Variants in DYNC1I1 observed in about 807,000 individuals in gnomAD.
DYNC1I1 encodes cytoplasmic dynein 1 intermediate chain 1.
DYNC1I1 carries 43 observed loss-of-function variants against 86.6 expected under a neutral mutation model. The observed-to-expected ratio is 0.50, with a 90% confidence interval of 0.39 to 0.64. The LOEUF (loss-of-function observed/expected upper bound fraction) is 0.64. Among genes scored for constraint, DYNC1I1 ranks in the 30% least tolerant of loss-of-function variants. The pLI, the probability that DYNC1I1 is intolerant of heterozygous loss-of-function variation, is 0.00. For missense variants in DYNC1I1, 604 were observed against 788.8 expected (o/e 0.77, Z 2.81); for synonymous variants, 262 against 283.7 (o/e 0.92, Z 0.77).
chr7:95,995,249 A>AAACTAAATAAAT (rs1793834350), intron 9 of DYNC1I1, among the ~76,000 whole-genome samples: 1 of 143,058 alleles, frequency 7.0e-6, no homozygotes, highest in Non-Finnish European at 1.5e-5. Flanking sequence ...TCCATCTCAA[A>AAACTAAATAAAT]AAATAAATAA....
intron 14 of DYNC1I1, among the ~76,000 whole-genome samples, chr7:96,048,094 T>A (rs143201827): frequency 1.2e-3 from 183 of 152,136 alleles, no homozygotes; most frequent in African/African-American, 4.1e-3. Context: ...TGATGGGAAC[T>A]GGGATGTGGT....
intron 9 of DYNC1I1, among the ~76,000 whole-genome samples, chr7:95,987,890 A>G (rs572287886): frequency 6.6e-6 from 1 of 152,214 alleles, no homozygotes; most frequent in African/African-American, 2.4e-5. Flanking sequence ...CCTAAAGCAG[A>G]ACTTTCATCA....
intron 10 of DYNC1I1, among the ~76,000 whole-genome samples, chr7:96,006,829 CTA>C (rs1390144407): frequency 6.6e-6 from 1 of 152,194 alleles, no homozygotes; most frequent in African/African-American, 2.4e-5. Context: ...AACACCAATG[CTA>C]TGTTATAACT....
chr7:96,006,923 A>C (rs1228635595), intron 10 of DYNC1I1, among the ~76,000 whole-genome samples: 1 of 152,204 alleles, frequency 6.6e-6, no homozygotes, highest in Non-Finnish European at 1.5e-5. Context: ...TCATATCTCT[A>C]AACTGATACT....
chr7:95,776,745 CACTGAGTCAGGCCTGCA>C (rs1189406584), intron 1 of DYNC1I1, among the ~76,000 whole-genome samples: 1 of 152,204 alleles, frequency 6.6e-6, no homozygotes, highest in Non-Finnish European at 1.5e-5. Flanking sequence ...CATCAACTGA[CACTGAGTCAGGCCTGCA>C]ACTGAGTCAG....
At chr7:95,849,131 A>G (rs1426151106) in intron 5 of DYNC1I1, among the ~76,000 whole-genome samples, 2 of 152,014 alleles carry the variant, frequency 1.3e-5, no homozygotes, top group African/African-American at 2.4e-5. Flanking sequence ...TTATCCCTTA[A>G]TCAGATGTAA....
intron 1 of DYNC1I1, among the ~76,000 whole-genome samples, chr7:95,797,483 GATATA>G (rs961920336): frequency 2.0e-5 from 3 of 152,172 alleles, no homozygotes; most frequent in African/African-American, 4.8e-5. Flanking sequence ...TTGATTTTCA[GATATA>G]ATATAATGTG....
intron 5 of DYNC1I1, among the ~76,000 whole-genome samples, chr7:95,835,445 G>T (rs1156569701): frequency 6.6e-6 from 1 of 150,964 alleles, no homozygotes; most frequent in African/African-American, 2.4e-5. Context: ...AAATGTATAT[G>T]CTGTTGATTT....
chr7:95,777,936 A>G (rs940363398), intron 1 of DYNC1I1, among the ~76,000 whole-genome samples: 1 of 152,190 alleles, frequency 6.6e-6, no homozygotes, highest in Non-Finnish European at 1.5e-5. Context: ...AATGCTTTTC[A>G]TCATAAATTT....
chr7:95,794,525 G>A (rs1794387666), intron 1 of DYNC1I1, among the ~76,000 whole-genome samples: 2 of 152,114 alleles, frequency 1.3e-5, no homozygotes, highest in Admixed American at 1.3e-4. Flanking sequence ...TGGCAAAGAC[G>A]ACAGTGGCTT....
At chr7:95,807,228 T>C (rs1794721258) in intron 2 of DYNC1I1, among the ~76,000 whole-genome samples, 1 of 152,066 alleles carries the variant, frequency 6.6e-6, no homozygotes, top group South Asian at 2.1e-4. Context: ...AGGCCCCCAG[T>C]TTCATGGGGT....
At position 96,018,469 on chromosome 7, in the gene DYNC1I1, G is replaced by A. The variant is rs117563613; in HGVS notation, c.970-9706G>A. On this transcript the variant is annotated intron_variant, in intron 10 of 16. Transcript: ENST00000447467. ...AGTAAGACTGATACAGCGATGTGTA[G>A]TATATGCTTGACACTCATTTAGTAA... Among the ~76,000 whole-genome samples, 9 of 152,288 alleles carry A rather than the reference G, an allele frequency of 5.9e-5. No individual in the cohort carries two copies. The East Asian group carries it at 1.3e-3, about 23-fold the overall frequency.
intron 14 of DYNC1I1, among the ~76,000 whole-genome samples, chr7:96,049,436 G>A (rs542792383): frequency 1.2e-4 from 19 of 152,032 alleles, no homozygotes; most frequent in African/African-American, 3.9e-4. Context: ...GAAGTGTAGC[G>A]GAGACAAAGA....
At chr7:95,824,941 C>A (rs1258915360) in intron 4 of DYNC1I1, among the ~76,000 whole-genome samples, 2 of 152,200 alleles carry the variant, frequency 1.3e-5, no homozygotes, top group Non-Finnish European at 2.9e-5. Flanking sequence ...AAGTTCCTTT[C>A]AAAAAATTTG....
chr7:95,849,236 C>T (rs1276894885), intron 5 of DYNC1I1, among the ~76,000 whole-genome samples: 1 of 151,966 alleles, frequency 6.6e-6, no homozygotes, highest in African/African-American at 2.4e-5. Flanking sequence ...GATGTAACTC[C>T]ATTTGTCTGT....
At chr7:96,001,159 G>T (rs1177383954) in intron 10 of DYNC1I1, among the ~76,000 whole-genome samples, 1 of 152,132 alleles carries the variant, frequency 6.6e-6, no homozygotes, top group Non-Finnish European at 1.5e-5. Flanking sequence ...CATCCACTGT[G>T]CTACAACCAT....
At chr7:95,883,308 T>G (rs527775938) in intron 6 of DYNC1I1, among the ~76,000 whole-genome samples, 1 of 152,312 alleles carries the variant, frequency 6.6e-6, no homozygotes, top group South Asian at 2.1e-4. Context: ...GGATTAGATC[T>G]TGGCTATTGT....
At chr7:96,030,236 A>G (rs144633145) in intron 11 of DYNC1I1, among the ~76,000 whole-genome samples, 3 of 152,140 alleles carry the variant, frequency 2.0e-5, no homozygotes, top group South Asian at 2.1e-4. Flanking sequence ...CCTCAGGCAC[A>G]CAGTAAGTTT....
rs186442453 is a variant in DYNC1I1, at chr7:96,095,063, T to A, written c.1777-2420T>A. 4.6e-4 allele frequency among the ~76,000 whole-genome samples: 70 copies of A among 152,318 alleles called. 1 individual carries two copies. Among genetic ancestry groups the A allele is most frequent in the African/African-American group, 1.6e-3 (68 of 41,592 alleles). On this transcript the variant is annotated intron_variant, in intron 16 of 16. Transcript: ENST00000447467. ...CTATATTTCTAAGGGCATGTGTTAG[T>A]ATTACAGCACTATTACTCCCACCTC... is the stretch of plus-strand genomic sequence containing the variant.
Sources: allele counts gnomAD v4.1 joint callset (sites outside exome capture counted in the v4.1 genomes callset), GRCh38; gene constraint gnomAD v4.1.1; transcripts MANE v1.5; gene names NCBI Gene and HGNC (gene_info 2026-07-23, HGNC 2026-07-21).